Variants in PRKG1 observed in about 807,000 individuals in gnomAD.
PRKG1 encodes the protein cGMP-dependent protein kinase 1.
Under a neutral mutation model 88.1 loss-of-function variants are expected in PRKG1, and 35 were observed. The ratio of observed to expected loss-of-function variants is 0.40; its 90% CI spans 0.30 to 0.53. The LOEUF is 0.53. Among genes scored for constraint, PRKG1 ranks in the 20% least tolerant of loss-of-function variants. The pLI, the probability that PRKG1 is intolerant of heterozygous loss-of-function variation, is 0.59. For synonymous variants in PRKG1, 303 were observed against 292.5 expected (o/e 1.04, Z -0.37); for missense variants, 540 against 839.8 (o/e 0.64, Z 4.41).
intron 3 of PRKG1, chr10:51,698,324 C>A (rs772996942): frequency 6.2e-7 from 1 of 1,614,064 alleles, no homozygotes; most frequent in African/African-American, 1.3e-5. Context: ...ACCACCTCTA[C>A]CATCCATAGG....
chr10:52,054,699 A>G, intron 6 of PRKG1, 138 bp downstream of exon 6: 1 of 632,738 alleles, frequency 1.6e-6, no homozygotes. Context: ...TAGAGAATGG[A>G]TCTTACAAAA....
At chr10:52,093,856 A>C (rs1871082) in intron 7 of PRKG1, among the ~76,000 whole-genome samples, 47,325 of 151,982 alleles carry the variant, frequency 0.31, 7,758 homozygotes, top group African/African-American at 0.41. Context: ...TAAACTCTGA[A>C]AACTATAGAC....
At chr10:52,233,689 A>G (rs1250162835) in intron 9 of PRKG1, among the ~76,000 whole-genome samples, 1 of 142,320 alleles carries the variant, frequency 7.0e-6, no homozygotes, top group African/African-American at 2.6e-5. Flanking sequence ...GCTGATTGCT[A>G]GCACAGCAGT....
At chr10:51,261,983 T>C in intron 2 of PRKG1, among the ~76,000 whole-genome samples, 1 of 147,550 alleles carries the variant, frequency 6.8e-6, no homozygotes, top group Non-Finnish European at 1.5e-5. Flanking sequence ...GCCTCCCGGG[T>C]TCACGCCACT....
At chr10:51,115,021 G>T (rs1845078704) in intron 1 of PRKG1, among the ~76,000 whole-genome samples, 1 of 151,962 alleles carries the variant, frequency 6.6e-6, no homozygotes, top group African/African-American at 2.4e-5. Flanking sequence ...TACATCTAAA[G>T]ATTTAAAGAA....
intron 7 of PRKG1, among the ~76,000 whole-genome samples, chr10:52,109,920 T>A (rs1431318442): frequency 6.6e-6 from 1 of 151,950 alleles, no homozygotes; most frequent in African/African-American, 2.4e-5. Context: ...ATGTCCTGTA[T>A]CACACCACTT....
At chr10:51,190,008 A>G (rs1013788897) in intron 2 of PRKG1, among the ~76,000 whole-genome samples, 19 of 151,912 alleles carry the variant, frequency 1.3e-4, no homozygotes, top group African/African-American at 4.3e-4. Flanking sequence ...TTTGTCCAGT[A>G]ACCTACTATA....
chr10:51,139,471 GTC>G (rs780682903), intron 1 of PRKG1, among the ~76,000 whole-genome samples: 1 of 152,070 alleles, frequency 6.6e-6, no homozygotes, highest in Non-Finnish European at 1.5e-5. Context: ...GTCTTTTTGT[GTC>G]TCTGCTATTT....
intron 2 of PRKG1, among the ~76,000 whole-genome samples, chr10:51,407,161 A>G (rs1369357325): frequency 1.3e-5 from 2 of 152,162 alleles, no homozygotes; most frequent in Non-Finnish European, 2.9e-5. Context: ...ACACCCTCAC[A>G]AACATACCCA....
chr10:51,782,108 A>G (rs947578178), intron 3 of PRKG1, among the ~76,000 whole-genome samples: 3 of 152,168 alleles, frequency 2.0e-5, no homozygotes, highest in African/African-American at 7.2e-5. Context: ...TTAATCTTAT[A>G]CAGACACTTT....
upstream of PRKG1, among the ~76,000 whole-genome samples, chr10:51,069,738 A>G (rs905245631): frequency 6.6e-6 from 1 of 152,120 alleles, no homozygotes; most frequent in Non-Finnish European, 1.5e-5. Flanking sequence ...GTGGAAAGCA[A>G]AATTTGAAAA....
intron 1 of PRKG1, among the ~76,000 whole-genome samples, chr10:51,014,021 A>C (rs1017986841): frequency 3.9e-5 from 6 of 152,218 alleles, no homozygotes; most frequent in African/African-American, 1.4e-4. Flanking sequence ...TTGGAGCACA[A>C]GTGTCTGGAT....
chr10:51,171,989 G>A lies in PRKG1; in HGVS notation c.478+18659G>A, dbSNP rs976286103. ...ATTTTAATGTATCTTCATTACTAAT[G>A]AAGAAAAAGTGTAGCATTTCAATTA... On this transcript the variant is annotated intron_variant, in intron 2 of 17. Transcript: ENST00000373980. Among the ~76,000 whole-genome samples, 9 of 138,762 alleles carry A rather than the reference G, an allele frequency of 6.5e-5. No individual in the cohort carries two copies. The South Asian group carries it at 2.2e-3, about 34-fold the overall frequency. The allele number at this position is 138,762 out of a possible 152,430, so 91.0% of individuals were successfully genotyped here. A position where few individuals can be genotyped will look rare whatever the true frequency, so the allele number is the denominator to read the frequency against.
At chr10:51,930,521 CAG>C (rs1423172052) in intron 5 of PRKG1, among the ~76,000 whole-genome samples, 1 of 101,740 alleles carries the variant, frequency 9.8e-6, no homozygotes, top group Non-Finnish European at 1.8e-5. Flanking sequence ...TTTTTTGAGA[CAG>C]AGTCTCGTTC....
intron 2 of PRKG1, among the ~76,000 whole-genome samples, chr10:51,266,929 G>GTTTATAT: frequency 6.6e-6 from 1 of 151,840 alleles, no homozygotes; most frequent in East Asian, 1.9e-4. Flanking sequence ...CCTATCATAG[G>GTTTATAT]ATCTGATTTA....
intron 2 of PRKG1, among the ~76,000 whole-genome samples, chr10:51,406,717 T>C (rs1198241967): frequency 6.6e-6 from 1 of 152,128 alleles, no homozygotes; most frequent in Non-Finnish European, 1.5e-5. Flanking sequence ...ATTCTCTGCT[T>C]ATACTTATTG....
intron 10 of PRKG1, among the ~76,000 whole-genome samples, chr10:52,266,184 G>T (rs1321805708): frequency 8.3e-6 from 1 of 120,796 alleles, no homozygotes; most frequent in Non-Finnish European, 1.9e-5. Context: ...CAATATTAAT[G>T]CTTTATTATT....
chr10:51,040,504 G>A (rs961568849), intron 1 of PRKG1, among the ~76,000 whole-genome samples: 5 of 151,276 alleles, frequency 3.3e-5, no homozygotes, highest in Admixed American at 6.6e-5. Flanking sequence ...ATTTCTAGTA[G>A]AGATGGGGTT....
intron 5 of PRKG1, among the ~76,000 whole-genome samples, chr10:51,976,208 C>T (rs1843827920): frequency 6.6e-6 from 1 of 151,726 alleles, no homozygotes; most frequent in Non-Finnish European, 1.5e-5. Context: ...TTGAGAATTC[C>T]TCAAAATATT....
Sources: allele counts gnomAD v4.1 joint callset (sites outside exome capture counted in the v4.1 genomes callset), GRCh38; gene constraint gnomAD v4.1.1; transcripts MANE v1.5; gene names NCBI Gene and HGNC (gene_info 2026-07-23, HGNC 2026-07-21).